RSF1: variants seen among roughly 807,000 people sequenced by gnomAD.
RSF1 encodes remodeling and spacing factor 1, also known as HBV pX-associated protein 8.
RSF1 carries 13 observed loss-of-function variants against 145.2 expected under a neutral mutation model. The ratio of observed to expected loss-of-function variants is 0.09; its 90% CI spans 0.06 to 0.14. RSF1 has a LOEUF of 0.14. Among genes scored for constraint, RSF1 ranks in the 10% least tolerant of loss-of-function variants. The pLI is 1.00. For synonymous variants in RSF1, 577 were observed against 592.6 expected, an observed-to-expected ratio of 0.97 and a Z score of 0.38; for missense variants, 1,517 against 1,718.2, an observed-to-expected ratio of 0.88 and a Z score of 2.07.
intron 4 of RSF1, among the ~76,000 whole-genome samples, chr11:77,726,359 G>A (rs917144803): frequency 6.6e-6 from 1 of 152,192 alleles, no homozygotes; most frequent in Non-Finnish European, 1.5e-5. Context: ...CTGGAATGCA[G>A]TGACCTGATC....
At chr11:77,756,934 A>C (rs1372199696) in intron 2 of RSF1, among the ~76,000 whole-genome samples, 1 of 152,206 alleles carries the variant, frequency 6.6e-6, no homozygotes, top group Non-Finnish European at 1.5e-5. Context: ...AATAATTATC[A>C]GGGGAAAAGC....
intron 1 of RSF1, among the ~76,000 whole-genome samples, chr11:77,769,330 T>A (rs1174463623): frequency 6.6e-6 from 1 of 152,236 alleles, no homozygotes; most frequent in Non-Finnish European, 1.5e-5. Flanking sequence ...TAAATTTATT[T>A]ATCACCTGCA....
intron 1 of RSF1, among the ~76,000 whole-genome samples, chr11:77,779,815 G>A (rs1285411253): frequency 6.6e-6 from 1 of 152,198 alleles, no homozygotes; most frequent in African/African-American, 2.4e-5. Context: ...GAGAAGTCCA[G>A]AGTAATGAGT....
chr11:77,684,003 G>A (rs778819114), intron 10 of RSF1, among the ~76,000 whole-genome samples, 184 bp from the exon 11 acceptor site: 9 of 152,174 alleles, frequency 5.9e-5, no homozygotes, highest in Non-Finnish European at 1.2e-4. Context: ...AAGAATGCTG[G>A]TGATTAAAGG....
rs1565143025 is a variant in RSF1, at chr11:77,671,208, T to TAC, written c.3751+832_3751+833dup. ...ATGTATATATGTGTGTATATATATA[T>TAC]ACACTATATATATATAATTTAAGTA... On this transcript the variant is annotated intron_variant, in intron 15 of 15. Transcript: ENST00000308488. Among the ~76,000 whole-genome samples the TAC allele has an allele frequency of 5.3e-4, 62 of 116,668 alleles. 2 individuals are homozygous for TAC. The highest frequency in any genetic ancestry group is 2.0e-3 in the African/African-American group (58 of 29,650). The allele number at this position is 116,668 out of a possible 152,430, so 76.5% of individuals were successfully genotyped here.
At chr11:77,671,162 T>A (rs1565142946) in intron 15 of RSF1, among the ~76,000 whole-genome samples, 1 of 87,970 alleles carries the variant, frequency 1.1e-5, no homozygotes, top group African/African-American at 5.2e-5. Context: ...TATATATATA[T>A]ATATATATAT....
intron 15 of RSF1, 53 bp downstream of exon 15, chr11:77,671,986 TATA>T (rs909284206): frequency 1.4e-6 from 2 of 1,422,834 alleles, no homozygotes; most frequent in African/African-American, 2.9e-5. Context: ...GAGTTCACTT[TATA>T]ATGTCTATTT....
chr11:77,694,544 T>C (rs1372013825), intron 7 of RSF1, among the ~76,000 whole-genome samples: 1 of 152,224 alleles, frequency 6.6e-6, no homozygotes, highest in African/African-American at 2.4e-5. Flanking sequence ...AAGAAAACTT[T>C]TTACTTTTAA....
In RSF1 at chr11:77,666,570, T is replaced by C. The variant is rs1959368246; in HGVS notation, c.*347A>G. Reference sequence around the variant, plus strand: ...GTTTTGGGCCCTCACAGATTCGGAATGCATTTTCATCCACCCTTTTTCACA... The same window carrying C: ...GTTTTGGGCCCTCACAGATTCGGAACGCATTTTCATCCACCCTTTTTCACA... On this transcript the variant is annotated 3_prime_UTR_variant, in exon 16 of 16. Coordinates refer to ENST00000308488, the MANE Select transcript of RSF1 (RefSeq NM_016578.4). The C allele has an allele frequency of 6.2e-6, 1 of 161,452 alleles. No individual in the cohort carries two copies. Among genetic ancestry groups the C allele is most frequent in the Non-Finnish European group, 1.3e-5 (1 of 74,384 alleles). The allele number at this position is 161,452 out of a possible 1,614,324, so 10.0% of individuals were successfully genotyped here.
chr11:77,693,755 G>C, intron 7 of RSF1, 144 bp from the exon 8 acceptor site: 1 of 353,472 alleles, frequency 2.8e-6, no homozygotes, highest in Non-Finnish European at 5.1e-6. Context: ...CTGATGATTA[G>C]GGATCTGACA....
chr11:77,778,486 A>G (rs1948371372), intron 1 of RSF1, among the ~76,000 whole-genome samples: 1 of 152,136 alleles, frequency 6.6e-6, no homozygotes, highest in South Asian at 2.1e-4. Context: ...TTTTTTAATC[A>G]ACTATTACCA....
chr11:77,745,982 C>T (rs1024733881), intron 3 of RSF1, among the ~76,000 whole-genome samples: 3 of 151,832 alleles, frequency 2.0e-5, no homozygotes, highest in African/African-American at 7.3e-5. Flanking sequence ...ACATAGTATA[C>T]ACACTAATAT....
At chr11:77,757,573 G>T (rs1338965961) in intron 2 of RSF1, among the ~76,000 whole-genome samples, 1 of 152,166 alleles carries the variant, frequency 6.6e-6, no homozygotes, top group Non-Finnish European at 1.5e-5. Context: ...AGCTACTTGG[G>T]AGGCCAAGGC....
At chr11:77,714,711 G>A (rs76077461) in intron 5 of RSF1, among the ~76,000 whole-genome samples, 3,183 of 152,216 alleles carry the variant, frequency 0.021, 99 homozygotes, top group African/African-American at 0.072. Flanking sequence ...GCGCAGTGGC[G>A]CATGCCTGTA....
intron 1 of RSF1, among the ~76,000 whole-genome samples, chr11:77,765,038 G>T (rs1220262364): frequency 1.3e-5 from 2 of 151,998 alleles, no homozygotes; most frequent in Non-Finnish European, 2.9e-5. Flanking sequence ...CAGTAGAGAA[G>T]TTGTATGAGT....
chr11:77,762,356 A>G (rs983874361), intron 2 of RSF1: 3 of 151,904 alleles, frequency 2.0e-5, no homozygotes, highest in Non-Finnish European at 4.4e-5. Context: ...CTCACTATCA[A>G]TTATCAATAG....
intron 11 of RSF1, among the ~76,000 whole-genome samples, chr11:77,680,372 C>A (rs146750427): frequency 1.3e-5 from 2 of 151,962 alleles, no homozygotes; most frequent in Non-Finnish European, 2.9e-5. Context: ...GATAGGAGTT[C>A]GAGGCCGCAG....
At chr11:77,717,231 T>C (rs1209460943) in intron 5 of RSF1, among the ~76,000 whole-genome samples, 3 of 140,010 alleles carry the variant, frequency 2.1e-5, no homozygotes, top group African/African-American at 7.9e-5. Flanking sequence ...ATAATATAAA[T>C]ACAGGATAAG....
the RSF1 span, among the ~76,000 whole-genome samples, chr11:77,861,114 T>C: frequency 0.013 from 1,982 of 152,222 alleles, 41 homozygotes; most frequent in African/African-American, 0.046. Flanking sequence ...TTTTTGCTCG[T>C]CCATATTGTC....
Sources: gnomAD v4.1 joint callset for allele counts (sites outside exome capture counted in the v4.1 genomes callset) on GRCh38, gnomAD v4.1.1 for gene constraint, MANE v1.5 for transcripts, NCBI Gene and HGNC (gene_info 2026-07-23, HGNC 2026-07-21) for gene names.